BBOF1: variants seen among roughly 807,000 people sequenced by gnomAD.
The protein encoded by BBOF1 is basal body orientation factor 1.
A neutral mutation model predicts 68.0 loss-of-function variants in BBOF1; 62 were observed. That is an observed-to-expected ratio of 0.91 (90% CI 0.74 to 1.13). The LOEUF is 1.13. Among genes scored for constraint, BBOF1 ranks in the 50% most tolerant of loss-of-function variants. The probability of loss-of-function intolerance (pLI) is 0.00; values close to 1 mark genes in which losing one functional copy is unlikely to be tolerated. For synonymous variants in BBOF1, 208 were observed against 198.8 expected (o/e 1.05, Z -0.39); for missense variants, 534 against 600.1 (o/e 0.89, Z 1.15).
intron 6 of BBOF1, among the ~76,000 whole-genome samples, chr14:74,047,348 A>G (rs1233839069): frequency 6.6e-6 from 1 of 152,124 alleles, no homozygotes; most frequent in Non-Finnish European, 1.5e-5. Flanking sequence ...AGGAAAGAGC[A>G]TGGGAGACTC....
At chr14:74,052,033 TAC>T (rs913895466) in intron 8 of BBOF1, among the ~76,000 whole-genome samples, 2 of 151,900 alleles carry the variant, frequency 1.3e-5, no homozygotes, top group African/African-American at 4.9e-5. Flanking sequence ...AACTATAATT[TAC>T]TTCTTGTCAT....
chr14:74,022,629 C>T (rs1378302578), intron 1 of BBOF1, among the ~76,000 whole-genome samples: 31 of 152,056 alleles, frequency 2.0e-4, no homozygotes, highest in Admixed American at 1.8e-3. Flanking sequence ...CCAGTCTTTT[C>T]GAGTTATGCT....
exon 13 of BBOF1, chr14:74,082,842 A>G (rs1336007827): frequency 6.6e-6 from 1 of 152,208 alleles, no homozygotes; most frequent in Non-Finnish European, 1.5e-5. Context: ...TCTGTTTCTG[A>G]AATAAAAGTA....
chr14:74,047,633 CTCACTATG>C (rs1475772028), intron 6 of BBOF1, among the ~76,000 whole-genome samples: 8 of 151,964 alleles, frequency 5.3e-5, no homozygotes, highest in Non-Finnish European at 5.9e-5. Context: ...GAGATTGGGT[CTCACTATG>C]TTGCCTAGGC....
intron 9 of BBOF1, among the ~76,000 whole-genome samples, chr14:74,073,079 C>T (rs1232245169): frequency 3.9e-5 from 6 of 152,092 alleles, no homozygotes; most frequent in South Asian, 2.1e-4. Context: ...GGATTACAGG[C>T]GTGAGCCTCT....
At chr14:74,044,034 A>G (rs1160147984) in intron 5 of BBOF1, among the ~76,000 whole-genome samples, 1 of 151,628 alleles carries the variant, frequency 6.6e-6, no homozygotes, top group Non-Finnish European at 1.5e-5. Flanking sequence ...TCACTTGAGG[A>G]GAGGAGTTTG....
downstream of BBOF1, chr14:74,066,973 T>A: frequency 7.5e-7 from 1 of 1,327,420 alleles, no homozygotes; most frequent in Non-Finnish European, 1.1e-6. Context: ...CCCAAAGCTT[T>A]AGGAGGCCAA....
chr14:74,029,377 A>G, intron 3 of BBOF1, 128 bp downstream of exon 3: 1 of 580,874 alleles, frequency 1.7e-6, no homozygotes. Context: ...TTAAAGCTTG[A>G]TTGTATAGAA....
At chr14:74,082,208 C>T (rs2060675210) in intron 12 of BBOF1, among the ~76,000 whole-genome samples, 2 of 152,190 alleles carry the variant, frequency 1.3e-5, no homozygotes, top group African/African-American at 4.8e-5. Context: ...CTGTCTCGAA[C>T]ATTCCTTTAT....
Position 74,061,440 on chromosome 14 carries a change from T to G in BBOF1, c.1579-3248T>G, listed in dbSNP as rs557227986. Among the ~76,000 whole-genome samples, 6 of 152,318 alleles carry G rather than the reference T, an allele frequency of 3.9e-5. No homozygotes were observed. In the South Asian group the frequency reaches 1.0e-3, roughly 26 times the overall value. On this transcript the variant is annotated intron_variant, in intron 11 of 11. Coordinates refer to ENST00000394009, the MANE Select transcript of BBOF1 (RefSeq NM_025057.3). ...CCTCAGCCTTCTGAATAGCTGGGAT[T>G]ACAAGTGTGTGCCACCATGCCCAGC...
intron 11 of BBOF1, chr14:74,058,620 T>C (rs1205062824): frequency 1.3e-5 from 2 of 151,376 alleles, no homozygotes; most frequent in African/African-American, 4.9e-5. Flanking sequence ...TCATACTTAA[T>C]TCATGAATAA....
intron 1 of BBOF1, 76 bp downstream of exon 1, chr14:74,019,610 G>GC: frequency 4.6e-6 from 7 of 1,535,170 alleles, no homozygotes; most frequent in South Asian, 1.2e-5. Flanking sequence ...GCAACCTGGC[G>GC]CCCCCCGCGC....
At chr14:74,047,511 G>A (rs1342662266) in intron 6 of BBOF1, among the ~76,000 whole-genome samples, 5 of 152,016 alleles carry the variant, frequency 3.3e-5, no homozygotes, top group Non-Finnish European at 7.4e-5. Flanking sequence ...GCTCACTGCT[G>A]TAGCCTTGAC....
chr14:74,081,987 G>A (rs1309223272), intron 12 of BBOF1, among the ~76,000 whole-genome samples: 2 of 152,148 alleles, frequency 1.3e-5, no homozygotes, highest in Non-Finnish European at 2.9e-5. Flanking sequence ...TGGGAGGATA[G>A]CTTGAGTTTA....
At chr14:74,073,100 CTTATTTT>C (rs1055814217) in intron 9 of BBOF1, among the ~76,000 whole-genome samples, 14 of 151,458 alleles carry the variant, frequency 9.2e-5, no homozygotes, top group East Asian at 7.8e-4. Context: ...GCACCTGGCC[CTTATTTT>C]TTATTTTTTA....
intron 9 of BBOF1, chr14:74,071,670 A>G: frequency 6.6e-7 from 1 of 1,521,378 alleles, no homozygotes; most frequent in Non-Finnish European, 8.8e-7. Flanking sequence ...TCTGAATGGG[A>G]AAAATACAGC....
At position 74,040,414 on chromosome 14, in the gene BBOF1, G is replaced by A. The variant is rs115095452; in HGVS notation, c.496-151G>A. 7.9e-3 allele frequency: 4,557 copies of A among 578,770 alleles called. 41 individuals carry two copies. Among genetic ancestry groups the A allele is most frequent in the Middle Eastern group, 0.027 (63 of 2,306 alleles). The allele number at this position is 578,770 out of a possible 1,614,324, so 35.9% of individuals were successfully genotyped here. ...GAAGATTGAGGGAAATTTGGTACTC[G>A]GAGGCAGGAACACAGATTTTTTCTG... On this transcript the variant is annotated intron_variant, in intron 4 of 11. Transcript: ENST00000394009.
At chr14:74,055,376 T>A in intron 8 of BBOF1, 1 of 455,450 alleles carries the variant, frequency 2.2e-6, no homozygotes, top group South Asian at 2.4e-5. Context: ...CTCGAACTCC[T>A]GACCTCAGAT....
chr14:74,082,089 C>T (rs1273764052), intron 12 of BBOF1, among the ~76,000 whole-genome samples: 2 of 152,102 alleles, frequency 1.3e-5, no homozygotes, highest in Admixed American at 1.3e-4. Context: ...TCTGTTGTTG[C>T]AGCTACTCGG....
Sources: gnomAD v4.1 joint callset for allele counts (sites outside exome capture counted in the v4.1 genomes callset) on GRCh38, gnomAD v4.1.1 for gene constraint, MANE v1.5 for transcripts, NCBI Gene and HGNC (gene_info 2026-07-23, HGNC 2026-07-21) for gene names.